The following SEMA3A variants were observed in gnomAD, a reference collection of about 807,000 sequenced individuals.
The protein encoded by SEMA3A is semaphorin-3A.
In SEMA3A, 29 loss-of-function variants were observed where a neutral mutation model predicts 97.9. The ratio of observed to expected loss-of-function variants is 0.30; its 90% CI spans 0.22 to 0.40. The LOEUF is 0.40. Ranked by LOEUF, SEMA3A falls within the 10% of genes least tolerant of loss-of-function variation. The pLI, the probability that SEMA3A is intolerant of heterozygous loss-of-function variation, is 1.00. For synonymous variants in SEMA3A, 321 were observed against 323.7 expected, an observed-to-expected ratio of 0.99 and a Z score of 0.09; for missense variants, 763 against 951.3, an observed-to-expected ratio of 0.80 and a Z score of 2.60.
chr7:84,103,728 T>G (rs982225466), intron 4 of SEMA3A, among the ~76,000 whole-genome samples: 2 of 151,732 alleles, frequency 1.3e-5, no homozygotes, highest in Non-Finnish European at 2.9e-5. Flanking sequence ...GACAAAGAGG[T>G]AAAAAATGAA....
rs372385899 is a variant in SEMA3A, at chr7:84,245,259, C to T, written c.-82-50591G>A. Among the ~76,000 whole-genome samples, 6 of 152,186 alleles carry T rather than the reference C, an allele frequency of 3.9e-5. No individual in the cohort carries two copies. The South Asian group carries it at 1.2e-3, about 32-fold the overall frequency. ...TACAGCTTTGATCTTTTCACATAAT[C>T]CCATATTTCTTGGAGGCTTTGTTCG... On this transcript the variant is annotated intron_variant, in intron 3 of 3. Coordinates refer to the SEMA3A transcript ENST00000424555.
intron 10 of SEMA3A, 126 bp from the exon 11 acceptor site, chr7:84,005,684 A>C: frequency 3.0e-6 from 2 of 658,984 alleles, no homozygotes; most frequent in Non-Finnish European, 5.0e-6. Context: ...ATGGTAGCTC[A>C]CACCTCTAAT....
intron 1 of SEMA3A, among the ~76,000 whole-genome samples, chr7:84,158,752 G>T (rs1796933300): frequency 6.6e-6 from 1 of 152,128 alleles, no homozygotes; most frequent in African/African-American, 2.4e-5. Flanking sequence ...AAATTATTGA[G>T]AAAATTTTAT....
chr7:84,049,158 T>C (rs1432282619), intron 5 of SEMA3A, among the ~76,000 whole-genome samples: 1 of 152,126 alleles, frequency 6.6e-6, no homozygotes, highest in Admixed American at 6.6e-5. Context: ...AAAATAAGTA[T>C]GCAGTTTAGG....
chr7:84,105,701 C>CTT (rs2115919725), intron 4 of SEMA3A, among the ~76,000 whole-genome samples: 1 of 152,102 alleles, frequency 6.6e-6, no homozygotes, highest in East Asian at 1.9e-4. Context: ...TAAATTCATA[C>CTT]TTTGTTTTAT....
intron 2 of SEMA3A, among the ~76,000 whole-genome samples, chr7:84,349,239 T>A (rs2116017641): frequency 6.6e-6 from 1 of 152,162 alleles, no homozygotes; most frequent in East Asian, 1.9e-4. Flanking sequence ...CACCTCCATG[T>A]ACGTTATGGG....
intron 4 of SEMA3A, among the ~76,000 whole-genome samples, chr7:84,090,117 T>C (rs1214975442): frequency 1.3e-5 from 2 of 152,218 alleles, no homozygotes; most frequent in African/African-American, 2.4e-5. Context: ...AGACAAAATA[T>C]TATACAAGAT....
chr7:84,116,373 T>C (rs1437428786), intron 3 of SEMA3A, among the ~76,000 whole-genome samples: 1 of 152,174 alleles, frequency 6.6e-6, no homozygotes, highest in Non-Finnish European at 1.5e-5. Context: ...GTTTAGTTGC[T>C]TTAAAAGGAG....
intron 1 of SEMA3A, among the ~76,000 whole-genome samples, chr7:84,378,851 TC>T (rs1265934104): frequency 6.6e-6 from 1 of 152,108 alleles, no homozygotes; most frequent in Non-Finnish European, 1.5e-5. Context: ...TTTTTTCTGA[TC>T]AATAGGAAAA....
chr7:84,081,779 C>T (rs74488446), intron 4 of SEMA3A, among the ~76,000 whole-genome samples: 7,330 of 151,840 alleles, frequency 0.048, 229 homozygotes, highest in African/African-American at 0.083. Context: ...TATGTACATA[C>T]AAGTGTATAA....
intron 3 of SEMA3A, among the ~76,000 whole-genome samples, chr7:84,200,989 A>C (rs912644592): frequency 6.6e-6 from 1 of 152,024 alleles, no homozygotes; most frequent in African/African-American, 2.4e-5. Flanking sequence ...ATATTAACTT[A>C]TTAGCTGTTT....
At position 84,144,978 on chromosome 7, in the gene SEMA3A, ATG is replaced by A. The variant is rs552576797; in HGVS notation, c.113-10029_113-10028del. On this transcript the variant is annotated intron_variant, in intron 1 of 16. Transcript: ENST00000265362. ...ATAGAGTGTGCATAAGTGTATATGC[ATG>A]TGTGTTTACCCCTAAATACAGCAAT... Among the ~76,000 whole-genome samples, 526 of 152,230 alleles carry A rather than the reference ATG, an allele frequency of 3.5e-3. 1 individual carries two copies. The highest frequency in any genetic ancestry group is 0.012 in the African/African-American group (491 of 41,550).
At chr7:84,134,414 T>C (rs547884348) in intron 2 of SEMA3A, among the ~76,000 whole-genome samples, 247 of 152,326 alleles carry the variant, frequency 1.6e-3, no homozygotes, top group Non-Finnish European at 2.7e-3. Context: ...AATGGATAGA[T>C]GAACTCTTCA....
At chr7:84,109,014 A>AATATCATGACTCATGTAAAAC (rs1795203007) in intron 4 of SEMA3A, among the ~76,000 whole-genome samples, 1 of 151,532 alleles carries the variant, frequency 6.6e-6, no homozygotes, top group African/African-American at 2.4e-5. Flanking sequence ...TCATGTAAAA[A>AATATCATGACTCATGTAAAAC]GTGCAATATC....
chr7:84,270,084 G>A (rs1411213645), intron 3 of SEMA3A, among the ~76,000 whole-genome samples: 1 of 152,062 alleles, frequency 6.6e-6, no homozygotes, highest in East Asian at 1.9e-4. Context: ...ATCCCCTGAG[G>A]TAAGATCAGT....
At chr7:84,237,276 A>C (rs557828307) in intron 3 of SEMA3A, among the ~76,000 whole-genome samples, 2 of 152,276 alleles carry the variant, frequency 1.3e-5, no homozygotes, top group African/African-American at 4.8e-5. Flanking sequence ...AGTCTAACTT[A>C]TCAAATTTAA....
intron 5 of SEMA3A, among the ~76,000 whole-genome samples, chr7:84,055,679 CTCGGAGCTGTAGA>C (rs948227123): frequency 2.0e-5 from 3 of 152,218 alleles, no homozygotes; most frequent in Non-Finnish European, 2.9e-5. Flanking sequence ...GTTGCTCACG[CTCGGAGCTGTAGA>C]TCGGAGCTGT....
At chr7:84,066,369 G>A (rs1224931060) in intron 4 of SEMA3A, among the ~76,000 whole-genome samples, 1 of 150,918 alleles carries the variant, frequency 6.6e-6, no homozygotes, top group Non-Finnish European at 1.5e-5. Flanking sequence ...ACAATACAGG[G>A]ATGCCCTCTC....
chr7:84,395,913 G>T (rs767183230), intron 1 of SEMA3A, among the ~76,000 whole-genome samples: 4 of 152,096 alleles, frequency 2.6e-5, no homozygotes, highest in Non-Finnish European at 5.9e-5. Flanking sequence ...AAAAATGTAT[G>T]TACAGATTTA....
Sources: gnomAD v4.1 joint callset for allele counts (sites outside exome capture counted in the v4.1 genomes callset) on GRCh38, gnomAD v4.1.1 for gene constraint, MANE v1.5 for transcripts, NCBI Gene and HGNC (gene_info 2026-07-23, HGNC 2026-07-21) for gene names.